SH2B3: variants seen among roughly 807,000 people sequenced by gnomAD.
SH2B3 encodes the protein SH2B adapter protein 3.
In SH2B3, 43 loss-of-function variants were observed where a neutral mutation model predicts 51.9. The observed-to-expected ratio is 0.83, with a 90% CI of 0.65 to 1.07. SH2B3 has a LOEUF of 1.07. Among genes scored for constraint, SH2B3 ranks in the 50% least tolerant of loss-of-function variants. SH2B3 has a pLI of 0.00. For synonymous variants in SH2B3, 396 were observed against 376.0 expected (o/e 1.05, Z -0.62); for missense variants, 952 against 834.3 (o/e 1.14, Z -1.74).
In SH2B3 at chr12:111,418,093, C is replaced by T. The variant is rs978976438; in HGVS notation, c.-27-26C>T. 5 of 1,466,922 alleles carry T rather than the reference C, an allele frequency of 3.4e-6. No individual in the cohort carries two copies. Among genetic ancestry groups the T allele is most frequent in the Non-Finnish European group, 4.5e-6 (5 of 1,119,106 alleles). The allele number at this position is 1,466,922 out of a possible 1,614,324, so 90.9% of individuals were successfully genotyped here. On this transcript the variant is annotated intron_variant, in intron 1 of 7. Transcript: ENST00000341259. The surrounding 1 kb of genome is among the most constrained non-coding windows in gnomAD (Gnocchi z 6.7). Reference sequence around the variant, plus strand: ...GCTTGCCCACCTGCTTACTCCTTGTCGCCCCCCCACCCACGTGTCTTTCAG... The same window carrying T: ...GCTTGCCCACCTGCTTACTCCTTGTTGCCCCCCCACCCACGTGTCTTTCAG...
chr12:111,439,934 G>A (rs551467283), intron 2 of SH2B3, among the ~76,000 whole-genome samples: 4 of 152,154 alleles, frequency 2.6e-5, no homozygotes, highest in Non-Finnish European at 5.9e-5. Flanking sequence ...TGGCTGCTCA[G>A]CTCCCAGCAT....
intron 2 of SH2B3, among the ~76,000 whole-genome samples, chr12:111,430,042 C>G (rs1872337907): frequency 6.6e-6 from 1 of 152,212 alleles, no homozygotes; most frequent in South Asian, 2.1e-4. Context: ...CCCACGTCTC[C>G]TGGGGGACCA....
intron 2 of SH2B3, among the ~76,000 whole-genome samples, chr12:111,424,776 G>C (rs1014421034): frequency 6.6e-6 from 1 of 152,228 alleles, no homozygotes; most frequent in Non-Finnish European, 1.5e-5. Flanking sequence ...CACAACTCTT[G>C]CATGTGCTTG....
chr12:111,422,861 CA>C (rs1871666522), intron 2 of SH2B3, among the ~76,000 whole-genome samples: 1 of 151,704 alleles, frequency 6.6e-6, no homozygotes, highest in African/African-American at 2.4e-5. Flanking sequence ...CACCTGGCCT[CA>C]ATTTTTGTAT....
chr12:111,405,884 T>A (rs1282792644), upstream of SH2B3: 3 of 151,470 alleles, frequency 2.0e-5, no homozygotes, highest in African/African-American at 4.9e-5. This position sits in a 1 kb window ranked among gnomAD's most constrained non-coding sequence, Gnocchi z 5.4. Flanking sequence ...GCGGCCGGCC[T>A]CCCCCGCCGG....
At chr12:111,445,100 A>G (rs914774700) in intron 2 of SH2B3, among the ~76,000 whole-genome samples, 2 of 152,206 alleles carry the variant, frequency 1.3e-5, no homozygotes, top group Admixed American at 1.3e-4. Flanking sequence ...TGCAGGGGCC[A>G]GAGTCAGAGT....
At position 111,447,825 on chromosome 12, in the gene SH2B3, C is replaced by G; in HGVS notation, c.1406C>G (p.Pro469Arg). ...SSYVVVVSQP[P>R]GSCNTVLFPF... ...TACGTGGTAGTCGTCTCCCAACCACCAGGTCTGACCCTACTGCCCTTTGCT... is the reference window on the plus strand; with the variant it reads ...TACGTGGTAGTCGTCTCCCAACCACGAGGTCTGACCCTACTGCCCTTTGCT... The change falls in exon 7 of 8, where the codon CCA (proline) becomes CGA (arginine). Residue 469 changes from proline (P) to arginine (R), a missense_variant and splice_region_variant. Pro to Arg is a moderately radical substitution (Grantham distance 103, BLOSUM62 -2). Coordinates refer to ENST00000341259, the MANE Select transcript of SH2B3 (RefSeq NM_005475.3). The G allele has an allele frequency of 1.2e-6, 2 of 1,613,194 alleles. No homozygotes were observed. Among genetic ancestry groups the G allele is most frequent in the East Asian group, 2.2e-5 (1 of 44,858 alleles).
rs1871206582 is a variant in SH2B3 at position 111,418,020 on chromosome 12, G to A, written c.-27-99G>A. ...TTCACCAGCACTGGGTGTTATGGTCGCGTTGGATTTCTGCTGTGGTGCCCG... is the reference window on the plus strand; with the variant it reads ...TTCACCAGCACTGGGTGTTATGGTCACGTTGGATTTCTGCTGTGGTGCCCG... On this transcript the variant is annotated intron_variant, in intron 1 of 7. Transcript: ENST00000341259. This position sits in a 1 kb window ranked among gnomAD's most constrained non-coding sequence, Gnocchi z 6.7. 3.5e-6 allele frequency: 3 copies of A among 859,620 alleles called. No homozygotes were observed. Among genetic ancestry groups the A allele is most frequent in the South Asian group, 1.9e-5 (1 of 53,036 alleles). 53.2% of individuals were successfully genotyped at this position (859,620 alleles called of 1,614,324 possible). A position where few individuals can be genotyped will look rare whatever the true frequency, so the allele number is the denominator to read the frequency against.
chr12:111,424,982 G>T (rs1287692299), intron 2 of SH2B3, among the ~76,000 whole-genome samples: 1 of 152,174 alleles, frequency 6.6e-6, no homozygotes, highest in African/African-American at 2.4e-5. Context: ...TGCCAGCCTG[G>T]TGGAGGCCCT....
intron 2 of SH2B3, among the ~76,000 whole-genome samples, chr12:111,430,258 T>C (rs992015607): frequency 4.6e-5 from 7 of 152,216 alleles, no homozygotes; most frequent in African/African-American, 1.7e-4. Context: ...TGCCCCCTTA[T>C]TGGGGTTCCA....
At chr12:111,408,289 G>A (rs1328795454) in intron 1 of SH2B3, among the ~76,000 whole-genome samples, 1 of 152,178 alleles carries the variant, frequency 6.6e-6, no homozygotes, top group Non-Finnish European at 1.5e-5. Flanking sequence ...ATGAATGAGT[G>A]AATTCACAGT....
rs953747040 is a variant in SH2B3, at chr12:111,422,352, G to A, written c.732+3475G>A. ...CTGGATCTCAAGGTGGCTTTACTTTGCGTTTCCCTGATGACTCATGGAGGT... is the reference window on the plus strand; with the variant it reads ...CTGGATCTCAAGGTGGCTTTACTTTACGTTTCCCTGATGACTCATGGAGGT... On this transcript the variant is annotated intron_variant, in intron 2 of 7. Transcript: ENST00000341259. Among the ~76,000 whole-genome samples the A allele has an allele frequency of 4.6e-5, 7 of 152,242 alleles. No individual in the cohort carries two copies. The East Asian group carries it at 7.7e-4, about 17-fold the overall frequency.
intron 5 of SH2B3, 32 bp downstream of exon 5, chr12:111,447,251 C>A (rs746753103): frequency 6.3e-7 from 1 of 1,591,244 alleles, no homozygotes; most frequent in South Asian, 1.1e-5. Flanking sequence ...CCATTGTCTT[C>A]TGGGTACGCT....
chr12:111,434,916 G>A, intron 2 of SH2B3: 8 of 1,535,682 alleles, frequency 5.2e-6, no homozygotes, highest in Non-Finnish European at 7.0e-6. Context: ...GATTCCCGGT[G>A]CTGTGCCGTG....
At chr12:111,425,739 T>C (rs1871946547) in intron 2 of SH2B3, among the ~76,000 whole-genome samples, 1 of 152,114 alleles carries the variant, frequency 6.6e-6, no homozygotes, top group South Asian at 2.1e-4. Context: ...AGGCTACCTG[T>C]GGTCTCCCAG....
At chr12:111,422,134 C>CAG (rs1871610282) in intron 2 of SH2B3, among the ~76,000 whole-genome samples, 1 of 152,226 alleles carries the variant, frequency 6.6e-6, no homozygotes, top group Non-Finnish European at 1.5e-5. Flanking sequence ...GGCTGGAGTG[C>CAG]AGAGGCACAA....
chr12:111,422,906 A>G (rs992973569), intron 2 of SH2B3, among the ~76,000 whole-genome samples: 3 of 152,102 alleles, frequency 2.0e-5, no homozygotes, highest in African/African-American at 7.2e-5. Context: ...CATGTTGGCC[A>G]GGCTGGTCTT....
rs906461008 is a variant in SH2B3, at chr12:111,438,111, C to T, written c.733-8642C>T. ...CTCCCTGGAGGAGAGGAGGTTTTCT[C>T]TGCTGGGACATGCAGTTTGGGTCAG... is the stretch of plus-strand genomic sequence containing the variant. On this transcript the variant is annotated intron_variant, in intron 2 of 7. Coordinates refer to ENST00000341259, the MANE Select transcript of SH2B3 (RefSeq NM_005475.3). The surrounding 1 kb of genome is among the most constrained non-coding windows in gnomAD (Gnocchi z 4.2). Among the ~76,000 whole-genome samples, 5 of 152,154 alleles carry T rather than the reference C, an allele frequency of 3.3e-5. No homozygotes were observed. Among genetic ancestry groups the T allele is most frequent in the Admixed American group, 2.6e-4 (4 of 15,272 alleles).
chr12:111,437,454 G>C (rs1166516467), intron 2 of SH2B3, among the ~76,000 whole-genome samples: 1 of 152,182 alleles, frequency 6.6e-6, no homozygotes, highest in African/African-American at 2.4e-5. Flanking sequence ...AGGGTGGTGG[G>C]GGTCTAGGAG....
Sources: allele counts gnomAD v4.1 joint callset (sites outside exome capture counted in the v4.1 genomes callset), GRCh38; gene constraint gnomAD v4.1.1; non-coding constraint Gnocchi (gnomAD v3.1); transcripts MANE v1.5; gene names NCBI Gene and HGNC (gene_info 2026-07-23, HGNC 2026-07-21).